The following PDE3A variants were observed in gnomAD, a reference collection of about 807,000 sequenced individuals.
PDE3A encodes the protein cGMP-inhibited 3',5'-cyclic phosphodiesterase 3A.
A neutral mutation model predicts 98.3 loss-of-function variants in PDE3A; 43 were observed. That is an observed-to-expected ratio of 0.44 (90% CI 0.34 to 0.56). The LOEUF (loss-of-function observed/expected upper bound fraction) is 0.56. PDE3A is among the 20% of genes least tolerant of loss of function. The pLI is 0.01. For missense variants in PDE3A, 1,427 were observed against 1,440.7 expected, an observed-to-expected ratio of 0.99 and a Z score of 0.15; for synonymous variants, 663 against 567.9, an observed-to-expected ratio of 1.17 and a Z score of -2.38.
chr12:20,672,262 G>T lies in PDE3A; in HGVS notation c.3185-7768G>T, dbSNP rs1313125786. On this transcript the variant is annotated intron_variant, in intron 15 of 15. Coordinates refer to ENST00000359062, the MANE Select transcript of PDE3A (RefSeq NM_000921.5). ...AGGAAGAATCAATATCGTGAAAATG[G>T]CCATACTGCCCAAGGTAATTTACAG... Among the ~76,000 whole-genome samples the T allele has an allele frequency of 3.1e-3, 453 of 147,312 alleles. 6 individuals are homozygous for T. Among genetic ancestry groups the T allele is most frequent in the African/African-American group, 0.011 (416 of 39,194 alleles).
chr12:20,676,458 A>T (rs1194784754), intron 15 of PDE3A, among the ~76,000 whole-genome samples: 1 of 145,530 alleles, frequency 6.9e-6, no homozygotes, highest in African/African-American at 2.5e-5. Flanking sequence ...GTTACTAGAT[A>T]CTTTTCTTTT....
intron 15 of PDE3A, among the ~76,000 whole-genome samples, chr12:20,655,452 G>A (rs1008814643): frequency 2.6e-5 from 4 of 152,112 alleles, no homozygotes; most frequent in Non-Finnish European, 5.9e-5. Flanking sequence ...AGCCGGGAAC[G>A]AACTGTCCAA....
chr12:20,496,633 G>A (rs746516734), intron 1 of PDE3A, among the ~76,000 whole-genome samples: 5 of 151,940 alleles, frequency 3.3e-5, no homozygotes, highest in East Asian at 3.9e-4. Flanking sequence ...AGCTGTCCAC[G>A]TTCCGTTGTT....
At chr12:20,400,563 C>T (rs571137245) in intron 1 of PDE3A, among the ~76,000 whole-genome samples, 1 of 151,882 alleles carries the variant, frequency 6.6e-6, no homozygotes, top group Admixed American at 6.6e-5. Context: ...CCCGCCACTG[C>T]GCCCGTGACC....
chr12:20,541,798 T>C (rs917464632), intron 1 of PDE3A, among the ~76,000 whole-genome samples: 1 of 152,112 alleles, frequency 6.6e-6, no homozygotes, highest in Non-Finnish European at 1.5e-5. Context: ...AAATGGGTCA[T>C]GGACCCGTGA....
rs181513321 is a variant in PDE3A at position 20,372,544 on chromosome 12, C to A, written c.960+2300C>A. Among the ~76,000 whole-genome samples the A allele has an allele frequency of 2.8e-3, 423 of 152,136 alleles. 4 individuals are homozygous for A. The highest frequency in any genetic ancestry group is 1.0e-2 in the African/African-American group (414 of 41,510). The stretch of plus-strand genomic sequence containing the variant: ...ATAAGATAGGACAGTATCTCATATA[C>A]GTTAGCCTTACTGTGTGAAAAGTTC... On this transcript the variant is annotated intron_variant, in intron 1 of 15. Coordinates refer to ENST00000359062, the MANE Select transcript of PDE3A (RefSeq NM_000921.5).
chr12:20,442,442 G>A (rs947840320), intron 1 of PDE3A, among the ~76,000 whole-genome samples: 1 of 152,188 alleles, frequency 6.6e-6, no homozygotes, highest in East Asian at 1.9e-4. Context: ...ACATAGGAGA[G>A]GGAGAGCACA....
At chr12:20,668,887 G>A (rs1246467897) in intron 15 of PDE3A, among the ~76,000 whole-genome samples, 3 of 151,506 alleles carry the variant, frequency 2.0e-5, no homozygotes, top group South Asian at 2.1e-4. Context: ...GGCTTCAGAC[G>A]ATCAAATTAC....
intron 1 of PDE3A, among the ~76,000 whole-genome samples, chr12:20,370,730 T>C (rs1249998979): frequency 6.6e-6 from 1 of 152,182 alleles, no homozygotes; most frequent in East Asian, 1.9e-4. Flanking sequence ...TGAAAACCAG[T>C]AAAAAGATTC....
At chr12:20,455,975 G>A (rs1945145263) in intron 1 of PDE3A, among the ~76,000 whole-genome samples, 2 of 152,010 alleles carry the variant, frequency 1.3e-5, no homozygotes, top group South Asian at 4.1e-4. Context: ...ATTGGCATTT[G>A]ACCACAATAG....
chr12:20,369,917 C>A lies in PDE3A; in HGVS notation c.633C>A (p.Gly211=), dbSNP rs145322170. 6.2e-7 allele frequency: 1 copy of A among 1,613,412 alleles called. No homozygotes were observed. The highest frequency in any genetic ancestry group is 2.2e-5 in the East Asian group (1 of 44,826). Residue 211 remains glycine, a synonymous_variant, in exon 1 of 16, where the codon GGC becomes GGA. Coordinates refer to ENST00000359062, the MANE Select transcript of PDE3A (RefSeq NM_000921.5). ...ATWLVLRLRL[G]VLMIALTSAV... Reference sequence around the variant, plus strand: ...GGCTGGTGCTGAGGCTGAGGCTGGGCGTCCTCATGATCGCCTTGACTAGCG... The same window carrying A: ...GGCTGGTGCTGAGGCTGAGGCTGGGAGTCCTCATGATCGCCTTGACTAGCG...
At chr12:20,614,481 T>G (rs1233634984) in intron 3 of PDE3A, among the ~76,000 whole-genome samples, 1 of 152,200 alleles carries the variant, frequency 6.6e-6, no homozygotes, top group East Asian at 1.9e-4. Flanking sequence ...TCTGTGCTTC[T>G]GCTGTTGTGA....
chr12:20,614,297 A>G (rs1023743297), intron 3 of PDE3A, among the ~76,000 whole-genome samples: 1 of 152,294 alleles, frequency 6.6e-6, no homozygotes, highest in South Asian at 2.1e-4. Context: ...ATATGGCATG[A>G]GTTTTATGAA....
chr12:20,566,928 C>G (rs1942674050), intron 2 of PDE3A, among the ~76,000 whole-genome samples: 1 of 151,882 alleles, frequency 6.6e-6, no homozygotes, highest in Admixed American at 6.6e-5. Flanking sequence ...TGACATTTCT[C>G]TTCTGGTGCC....
intron 3 of PDE3A, among the ~76,000 whole-genome samples, chr12:20,614,125 T>G (rs1196385071): frequency 1.4e-5 from 2 of 140,860 alleles, no homozygotes; most frequent in African/African-American, 5.3e-5. Context: ...TCTTGAATGA[T>G]ATACTTCAAA....
rs73238478 is a variant in PDE3A, at chr12:20,676,397, T to G, written c.3185-3633T>G. ...TATATTATCCCATTATCTCCTGGAC[T>G]GAATGATTTCTGCTGAGAAATCTGT... On this transcript the variant is annotated intron_variant, in intron 15 of 15. Transcript: ENST00000359062. Among the ~76,000 whole-genome samples the G allele has an allele frequency of 3.7e-3, 562 of 152,248 alleles. 3 individuals carry two copies. Among genetic ancestry groups the G allele is most frequent in the East Asian group, 0.011 (55 of 5,176 alleles).
chr12:20,475,169 A>ATGTG lies in PDE3A; in HGVS notation c.961-81486_961-81483dup, dbSNP rs773174440. 8.8e-3 allele frequency among the ~76,000 whole-genome samples: 845 copies of ATGTG among 96,450 alleles called. 8 individuals carry two copies. The highest frequency in any genetic ancestry group is 0.038 in the South Asian group (88 of 2,322). The allele number at this position is 96,450 out of a possible 152,430, so 63.3% of individuals were successfully genotyped here. On this transcript the variant is annotated intron_variant, in intron 1 of 15. Coordinates refer to ENST00000359062, the MANE Select transcript of PDE3A (RefSeq NM_000921.5). ...TATACCAAATGTAGGAGAGGAAAAA[A>ATGTG]TGTGTGTGAGTGTGTGTGTGTGTGT...
intron 15 of PDE3A, among the ~76,000 whole-genome samples, chr12:20,668,266 T>C (rs1326703679): frequency 6.6e-6 from 1 of 152,138 alleles, no homozygotes; most frequent in East Asian, 1.9e-4. Context: ...GCAGTGAGGC[T>C]GGGGGAGGGG....
chr12:20,528,407 G>A (rs1489625365), intron 1 of PDE3A, among the ~76,000 whole-genome samples: 1 of 152,210 alleles, frequency 6.6e-6, no homozygotes, highest in Non-Finnish European at 1.5e-5. Flanking sequence ...CAGGAGGAAT[G>A]ATGACACTTT....
Sources: allele counts gnomAD v4.1 joint callset (sites outside exome capture counted in the v4.1 genomes callset), GRCh38; gene constraint gnomAD v4.1.1; transcripts MANE v1.5; gene names NCBI Gene and HGNC (gene_info 2026-07-23, HGNC 2026-07-21).